Variants in CTIF observed in about 807,000 individuals in gnomAD.
CTIF encodes the protein cap binding complex dependent translation initiation factor.
In CTIF, 21 loss-of-function variants were observed where a neutral mutation model predicts 66.0. That is an observed-to-expected ratio of 0.32 (90% CI 0.23 to 0.46). The LOEUF (loss-of-function observed/expected upper bound fraction) is 0.46, where lower values mean the gene tolerates loss of function less well. Ranked by LOEUF, CTIF falls within the 20% of genes least tolerant of loss-of-function variation. The pLI is 1.00. For synonymous variants in CTIF, 345 were observed against 326.4 expected (o/e 1.06, Z -0.62); for missense variants, 739 against 812.7 (o/e 0.91, Z 1.10).
intron 3 of CTIF, among the ~76,000 whole-genome samples, chr18:48,648,468 A>AACACACAC (rs150332855): frequency 0.29 from 42,959 of 148,236 alleles, 6,689 homozygotes; most frequent in Non-Finnish European, 0.37. Context: ...CTTCGTTCTG[A>AACACACAC]ACACACACAC....
chr18:48,591,279 G>A (rs537954931), intron 1 of CTIF, among the ~76,000 whole-genome samples: 1 of 152,334 alleles, frequency 6.6e-6, no homozygotes, highest in South Asian at 2.1e-4. Context: ...TGGGTCCCAG[G>A]CTGGCTGTGG....
chr18:48,717,790 A>G (rs1004115387), intron 7 of CTIF, among the ~76,000 whole-genome samples: 15 of 152,300 alleles, frequency 9.8e-5, no homozygotes, highest in African/African-American at 3.6e-4. Flanking sequence ...ACAGTAGTGC[A>G]ATAATAGTTC....
chr18:48,722,550 C>G (rs555207191), intron 7 of CTIF, among the ~76,000 whole-genome samples: 1 of 152,154 alleles, frequency 6.6e-6, no homozygotes, highest in African/African-American at 2.4e-5. Context: ...GTATGCTGCC[C>G]AGGACCGCAA....
chr18:48,574,410 G>T (rs1310942274), intron 1 of CTIF, among the ~76,000 whole-genome samples: 4 of 152,120 alleles, frequency 2.6e-5, no homozygotes, highest in Non-Finnish European at 5.9e-5. Context: ...CATTAAAAAA[G>T]GAAACAAAAT....
chr18:48,739,209 G>A (rs1043724321), intron 7 of CTIF, among the ~76,000 whole-genome samples: 2 of 152,158 alleles, frequency 1.3e-5, no homozygotes, highest in Non-Finnish European at 2.9e-5. Flanking sequence ...GATTCCTCCC[G>A]GCATAGGAGC....
At chr18:48,692,471 C>G (rs890540356) in intron 6 of CTIF, 3 of 152,146 alleles carry the variant, frequency 2.0e-5, no homozygotes, top group African/African-American at 7.2e-5. Context: ...TCTCACTTCC[C>G]CCTCTTTGTA....
In CTIF at chr18:48,623,405, G is replaced by A. The variant is rs183031783; in HGVS notation, c.180+3660G>A. Among the ~76,000 whole-genome samples the A allele has an allele frequency of 1.7e-3, 262 of 152,298 alleles. 1 individual carries two copies. Among genetic ancestry groups the A allele is most frequent in the African/African-American group, 5.7e-3 (238 of 41,558 alleles). On this transcript the variant is annotated intron_variant, in intron 2 of 11. Coordinates refer to ENST00000256413, the MANE Select transcript of CTIF (RefSeq NM_014772.3). ...CAGTCACACACACACCTGGGGTACC[G>A]ACTCTGGAAGAGGGACGGCTGTGGC...
At chr18:48,703,287 G>A (rs1439190597) in intron 6 of CTIF, among the ~76,000 whole-genome samples, 1 of 152,234 alleles carries the variant, frequency 6.6e-6, no homozygotes, top group Non-Finnish European at 1.5e-5. Flanking sequence ...TGTGGGGGCA[G>A]ACAGGTGATC....
chr18:48,730,304 G>A (rs1598938843), intron 7 of CTIF, among the ~76,000 whole-genome samples: 1 of 146,782 alleles, frequency 6.8e-6, no homozygotes, highest in Non-Finnish European at 1.5e-5. Flanking sequence ...CCCCTGAGGT[G>A]TGAGGGGCTT....
At chr18:48,599,898 C>T (rs1366708996) in intron 1 of CTIF, among the ~76,000 whole-genome samples, 1 of 152,210 alleles carries the variant, frequency 6.6e-6, no homozygotes, top group Non-Finnish European at 1.5e-5. Flanking sequence ...CCAGCCTTAC[C>T]TGGCCTGTCA....
intron 10 of CTIF, among the ~76,000 whole-genome samples, chr18:48,842,053 T>C (rs1228945417): frequency 6.6e-6 from 1 of 152,084 alleles, no homozygotes; most frequent in African/African-American, 2.4e-5. Context: ...ACTCAGCTAA[T>C]ATCAATGTAT....
chr18:48,778,429 G>A (rs56321524), intron 9 of CTIF, among the ~76,000 whole-genome samples: 13,437 of 152,202 alleles, frequency 0.088, 1,024 homozygotes, highest in East Asian at 0.41. Context: ...AAAATGCACC[G>A]GGGAAAGCCA....
intron 6 of CTIF, among the ~76,000 whole-genome samples, chr18:48,699,771 G>C (rs1007243682): frequency 6.6e-6 from 1 of 152,224 alleles, no homozygotes; most frequent in Non-Finnish European, 1.5e-5. Context: ...ATATGCGTAT[G>C]CTTCTTTATT....
At chr18:48,751,416 T>G (rs1907800583) in intron 7 of CTIF, among the ~76,000 whole-genome samples, 1 of 152,196 alleles carries the variant, frequency 6.6e-6, no homozygotes, top group Non-Finnish European at 1.5e-5. Flanking sequence ...TTTCTGTAAC[T>G]AATAGATTCA....
rs536371164 is a variant in CTIF at position 48,741,254 on chromosome 18, C to T, written c.585-16665C>T. On this transcript the variant is annotated intron_variant, in intron 7 of 11. Coordinates refer to ENST00000256413, the MANE Select transcript of CTIF (RefSeq NM_014772.3). The stretch of plus-strand genomic sequence containing the variant: ...GGAGCCAGCAGCCTGCCTCTCCAGC[C>T]AGGGTCTGCTCTTTACTCTGCCCCC... Among the ~76,000 whole-genome samples the T allele has an allele frequency of 5.4e-5, 8 of 148,560 alleles. No individual in the cohort carries two copies. The East Asian group carries it at 1.4e-3, about 27-fold the overall frequency.
intron 1 of CTIF, among the ~76,000 whole-genome samples, chr18:48,590,118 G>A (rs10853567): frequency 0.11 from 16,784 of 152,292 alleles, 1,049 homozygotes; most frequent in South Asian, 0.21. Context: ...TTTCAGGGGT[G>A]CGGGGGCGTG....
At chr18:48,782,542 G>A (rs757996405) in intron 9 of CTIF, among the ~76,000 whole-genome samples, 9 of 152,200 alleles carry the variant, frequency 5.9e-5, no homozygotes, top group East Asian at 1.9e-4. Flanking sequence ...TATTTAAAGC[G>A]TGCAGCGCCC....
In CTIF at chr18:48,670,034, A is replaced by G. The variant is rs577016517; in HGVS notation, c.432-635A>G. The stretch of plus-strand genomic sequence containing the variant: ...AGTACAGAGAGGTTAAACAACTTGT[A>G]CAGGGTCCCCAGTTGGTAAGGGATG... On this transcript the variant is annotated intron_variant, in intron 5 of 11. Coordinates refer to ENST00000256413, the MANE Select transcript of CTIF (RefSeq NM_014772.3). 5.3e-5 allele frequency among the ~76,000 whole-genome samples: 8 copies of G among 151,776 alleles called. No individual in the cohort carries two copies. In the South Asian group the frequency reaches 1.3e-3, roughly 24 times the overall value.
At chr18:48,689,378 C>A (rs548041218) in intron 6 of CTIF, among the ~76,000 whole-genome samples, 1 of 152,298 alleles carries the variant, frequency 6.6e-6, no homozygotes, top group Non-Finnish European at 1.5e-5. Flanking sequence ...TCAAAGCATG[C>A]AGAAGCAGCA....
Sources: gnomAD v4.1 joint callset for allele counts (sites outside exome capture counted in the v4.1 genomes callset) on GRCh38, gnomAD v4.1.1 for gene constraint, MANE v1.5 for transcripts, NCBI Gene and HGNC (gene_info 2026-07-23, HGNC 2026-07-21) for gene names.